The following NHSL1 variants were observed in gnomAD, a reference collection of about 807,000 sequenced individuals.
The protein encoded by NHSL1 is NHS-like protein 1.
NHSL1 carries 48 observed loss-of-function variants against 95.0 expected under a neutral mutation model. The ratio of observed to expected loss-of-function variants is 0.51; its 90% CI spans 0.40 to 0.64. NHSL1 has a LOEUF of 0.64. Among genes scored for constraint, NHSL1 ranks in the 30% least tolerant of loss-of-function variants. The pLI is 0.00. For missense variants in NHSL1, 1,971 were observed against 2,077.7 expected (o/e 0.95, Z 1.00); for synonymous variants, 783 against 833.9 (o/e 0.94, Z 1.05).
intron 1 of NHSL1, among the ~76,000 whole-genome samples, chr6:138,674,610 G>A (rs1023467496): frequency 6.6e-6 from 1 of 152,068 alleles, no homozygotes; most frequent in Non-Finnish European, 1.5e-5. Context: ...GAGGATAATG[G>A]CTTCCCACTT....
chr6:138,478,316 T>C (rs1779214459), intron 2 of NHSL1, among the ~76,000 whole-genome samples: 1 of 152,122 alleles, frequency 6.6e-6, no homozygotes. Flanking sequence ...TAAATGGTAG[T>C]AGAACAAATG....
At chr6:138,449,876 T>C (rs1583194116) in intron 3 of NHSL1, among the ~76,000 whole-genome samples, 1 of 152,164 alleles carries the variant, frequency 6.6e-6, no homozygotes, top group Non-Finnish European at 1.5e-5. Context: ...ATAAAACACA[T>C]AAAATGATCA....
chr6:138,435,771 A>G (rs907644900), intron 5 of NHSL1, among the ~76,000 whole-genome samples: 1 of 151,184 alleles, frequency 6.6e-6, no homozygotes, highest in Non-Finnish European at 1.5e-5. Flanking sequence ...GTTTGTGGCA[A>G]CCCTGTGTTG....
At chr6:138,615,642 T>C (rs530251231) in intron 1 of NHSL1, among the ~76,000 whole-genome samples, 6 of 152,306 alleles carry the variant, frequency 3.9e-5, no homozygotes, top group Admixed American at 1.3e-4. Flanking sequence ...GGCTAATTTT[T>C]TGTATTCTTA....
Position 138,641,441 on chromosome 6 carries a change from G to A in NHSL1, c.96+51035C>T, listed in dbSNP as rs148587375. Among the ~76,000 whole-genome samples, 35 of 152,234 alleles carry A rather than the reference G, an allele frequency of 2.3e-4. No homozygotes were observed. The East Asian group carries it at 6.8e-3, about 29-fold the overall frequency. On this transcript the variant is annotated intron_variant, in intron 1 of 3. Transcript: ENST00000491526. ...TCAAGGAATGCATGTGAAACGTACA[G>A]TGTTGGTTGGTGTGTGTCTCCACTA...
rs149746235 is a variant in NHSL1 at position 138,469,258 on chromosome 6, A to T, written c.339+4048T>A. Among the ~76,000 whole-genome samples the T allele has an allele frequency of 3.1e-3, 479 of 152,340 alleles. 15 individuals are homozygous for T. The highest frequency in any genetic ancestry group is 0.028 in the Admixed American group (425 of 15,298). On this transcript the variant is annotated intron_variant, in intron 3 of 7. Coordinates refer to ENST00000343505, the MANE Select transcript of NHSL1 (RefSeq NM_001144060.2). ...AAGCAGCCAATCACGTACTATGCGGATGCACACAAATGAAACCCTCACTTC... is the reference window on the plus strand; with the variant it reads ...AAGCAGCCAATCACGTACTATGCGGTTGCACACAAATGAAACCCTCACTTC...
Position 138,496,481 on chromosome 6 carries a change from G to A in NHSL1, c.59-110C>T, listed in dbSNP as rs1171268900. On this transcript the variant is annotated intron_variant, in intron 1 of 7. Coordinates refer to ENST00000343505, the MANE Select transcript of NHSL1 (RefSeq NM_001144060.2). The stretch of plus-strand genomic sequence containing the variant: ...CACATCCACGGGTAAGGGCCAGCAA[G>A]GGAGCAATGGAGCAAATCCTAAATT... 4.8e-6 allele frequency: 5 copies of A among 1,042,262 alleles called. No individual in the cohort carries two copies. The East Asian group carries it at 1.0e-4, about 22-fold the overall frequency. 64.6% of individuals were successfully genotyped at this position (1,042,262 alleles called of 1,614,324 possible).
rs199772371 is a variant in NHSL1, at chr6:138,572,184, TAAAC to T, written c.-277_-274del. 3.1e-3 allele frequency: 1,142 copies of T among 374,290 alleles called. 13 individuals carry two copies. The highest frequency in any genetic ancestry group is 0.022 in the African/African-American group (1,024 of 47,568). The allele number at this position is 374,290 out of a possible 1,614,324, so 23.2% of individuals were successfully genotyped here. A position where few individuals can be genotyped will look rare whatever the true frequency, so the allele number is the denominator to read the frequency against. On this transcript the variant is annotated 5_prime_UTR_variant, in exon 1 of 7. Coordinates refer to the NHSL1 transcript ENST00000427025. ...CGCGATATCCACGGCCAAAAAATAA[TAAAC>T]AAATAAAAGTATAATTTAAAAAATG...
chr6:138,611,026 T>C (rs1017100635), intron 1 of NHSL1, among the ~76,000 whole-genome samples: 1 of 151,330 alleles, frequency 6.6e-6, no homozygotes, highest in African/African-American at 2.4e-5. Context: ...TGCAATAAGC[T>C]GAGATCGCAC....
rs79199493 is a variant in NHSL1 at position 138,554,210 on chromosome 6, C to A, written c.202+17500G>T. On this transcript the variant is annotated intron_variant, in intron 1 of 6. Transcript: ENST00000427025. Reference sequence around the variant, plus strand: ...TTTAGGTTAAAGCACATAAAAATAACCTCATAGGAAAGATACAACAGTAGG... The same window carrying A: ...TTTAGGTTAAAGCACATAAAAATAAACTCATAGGAAAGATACAACAGTAGG... Among the ~76,000 whole-genome samples the A allele has an allele frequency of 4.7e-3, 717 of 152,242 alleles. 4 individuals carry two copies. Among genetic ancestry groups the A allele is most frequent in the South Asian group, 0.024 (116 of 4,816 alleles).
rs1351008386 is a variant in NHSL1 at position 138,424,814 on chromosome 6, G to C, written c.4088C>G (p.Ser1363Cys). The change falls in exon 8 of 8, where the codon TCC becomes TGC. Residue 1363 changes from serine to cysteine, a missense_variant and splice_region_variant. Transcript: ENST00000343505. The surrounding 1 kb of genome is among the most constrained non-coding windows in gnomAD (Gnocchi z 5.9). Reference protein sequence around the residue: ...TEDLFAAIHRSKRKVLGRRDS... With the variant: ...TEDLFAAIHRCKRKVLGRRDS... ...TCTACGGCCGAGGACTTTCCTTTTG[G>C]ATCTGAGATTTAATAACATTAAGAA... 2 of 1,547,720 alleles carry C rather than the reference G, an allele frequency of 1.3e-6. No individual in the cohort carries two copies.
intron 2 of NHSL1, among the ~76,000 whole-genome samples, chr6:138,480,620 C>T (rs1779361401): frequency 6.6e-6 from 1 of 152,160 alleles, no homozygotes; most frequent in Non-Finnish European, 1.5e-5. Flanking sequence ...CTACATATAT[C>T]ATATTTTAAA....
chr6:138,678,941 C>T (rs1203840452), intron 1 of NHSL1, among the ~76,000 whole-genome samples: 6 of 152,114 alleles, frequency 3.9e-5, no homozygotes, highest in Admixed American at 3.3e-4. Context: ...GACATTTTTC[C>T]CACTTCATTT....
At chr6:138,583,746 T>C (rs1054841625) in intron 1 of NHSL1, among the ~76,000 whole-genome samples, 24 of 152,162 alleles carry the variant, frequency 1.6e-4, no homozygotes, top group African/African-American at 5.6e-4. Flanking sequence ...TCCTTTGATA[T>C]TCCCCCACAT....
intron 1 of NHSL1, among the ~76,000 whole-genome samples, chr6:138,616,502 G>A (rs1490702367): frequency 2.6e-5 from 4 of 152,038 alleles, no homozygotes; most frequent in South Asian, 2.1e-4. Flanking sequence ...AGGAAGAGAG[G>A]AAGAGGGAAC....
chr6:138,480,625 T>A (rs757832540), intron 2 of NHSL1, among the ~76,000 whole-genome samples: 7 of 152,228 alleles, frequency 4.6e-5, no homozygotes, highest in Admixed American at 6.5e-5. Context: ...TATATCATAT[T>A]TTAAAAACTG....
chr6:138,502,867 C>T (rs936915174), upstream of NHSL1, among the ~76,000 whole-genome samples: 5 of 152,092 alleles, frequency 3.3e-5, no homozygotes, highest in African/African-American at 4.8e-5. Flanking sequence ...TGTAAACATA[C>T]GTAAGTGTAT....
chr6:138,575,700 A>C (rs1387834774), upstream of NHSL1, among the ~76,000 whole-genome samples: 2 of 152,210 alleles, frequency 1.3e-5, no homozygotes, highest in African/African-American at 2.4e-5. Flanking sequence ...TAATAATTAG[A>C]TCTTAACTAT....
chr6:138,537,362 G>A (rs369052915), intron 1 of NHSL1, among the ~76,000 whole-genome samples: 1 of 152,190 alleles, frequency 6.6e-6, no homozygotes, highest in African/African-American at 2.4e-5. Context: ...TCATCTGGAT[G>A]TATTTATACA....
Sources: gnomAD v4.1 joint callset for allele counts (sites outside exome capture counted in the v4.1 genomes callset) on GRCh38, gnomAD v4.1.1 for gene constraint, Gnocchi (gnomAD v3.1) non-coding constraint, MANE v1.5 for transcripts, NCBI Gene and HGNC (gene_info 2026-07-23, HGNC 2026-07-21) for gene names.